Variants in WWOX observed in about 807,000 individuals in gnomAD.
WWOX encodes WW domain containing oxidoreductase.
Under a neutral mutation model 46.2 loss-of-function variants are expected in WWOX, and 69 were observed. That is an observed-to-expected ratio of 1.49 (90% CI 1.23 to 1.82). The LOEUF (loss-of-function observed/expected upper bound fraction) is 1.82, where lower values mean the gene tolerates loss of function less well. Ranked by LOEUF, WWOX falls within the 40% of genes most tolerant of loss-of-function variation. The pLI is 0.00. For missense variants in WWOX, 919 were observed against 542.6 expected (o/e 1.69, Z -6.89); for synonymous variants, 359 against 202.6 (o/e 1.77, Z -6.56).
chr16:78,501,206 TGAAAAA>T (rs2085059016), intron 8 of WWOX, among the ~76,000 whole-genome samples: 9 of 146,416 alleles, frequency 6.1e-5, no homozygotes, highest in East Asian at 2.0e-4. Flanking sequence ...TTTTTTTTTT[TGAAAAA>T]CTTTTTTGGA....
Position 78,292,617 on chromosome 16 carries a change from C to CT in WWOX, c.517-94233dup, listed in dbSNP as rs77749292. On this transcript the variant is annotated intron_variant, in intron 5 of 8. Coordinates refer to ENST00000566780, the MANE Select transcript of WWOX (RefSeq NM_016373.4). ...TTAGTTGAAAGATTATGTTCTATATCTTTTTTTTTTAAAAAAAAGGAAGAA... is the reference window on the plus strand; with the variant it reads ...TTAGTTGAAAGATTATGTTCTATATCTTTTTTTTTTTAAAAAAAAGGAAGAA... Among the ~76,000 whole-genome samples the CT allele has an allele frequency of 1.8e-3, 277 of 150,074 alleles. 3 individuals are homozygous for CT. The East Asian group carries it at 0.026, about 14-fold the overall frequency.
At chr16:78,750,074 A>T (rs1029875460) in intron 8 of WWOX, among the ~76,000 whole-genome samples, 2 of 152,232 alleles carry the variant, frequency 1.3e-5, no homozygotes, top group Non-Finnish European at 2.9e-5. Context: ...CAGCATATGG[A>T]AGGCATTGCT....
intron 8 of WWOX, among the ~76,000 whole-genome samples, chr16:79,136,676 A>T (rs933828469): frequency 6.6e-5 from 10 of 152,250 alleles, no homozygotes; most frequent in Non-Finnish European, 1.0e-4. Context: ...CCAGTTCCTC[A>T]CCGGGTCCTT....
intron 5 of WWOX, among the ~76,000 whole-genome samples, chr16:78,297,053 A>G (rs1400482792): frequency 6.6e-6 from 1 of 152,174 alleles, no homozygotes; most frequent in African/African-American, 2.4e-5. Context: ...CAATAAAAAT[A>G]TGTCCTGGGT....
At chr16:78,536,389 G>C (rs142568324) in intron 8 of WWOX, among the ~76,000 whole-genome samples, 123 of 152,020 alleles carry the variant, frequency 8.1e-4, no homozygotes, top group African/African-American at 2.7e-3. Context: ...GGGCATCCAA[G>C]ATAATGTAAT....
rs79202169 is a variant in WWOX at position 78,293,452 on chromosome 16, C to T, written c.517-93408C>T. 2.1e-3 allele frequency among the ~76,000 whole-genome samples: 317 copies of T among 152,270 alleles called. 2 individuals are homozygous for T. In the East Asian group the frequency reaches 0.026, roughly 12 times the overall value. Reference sequence around the variant, plus strand: ...GCATCATTTCGCTGGGTTACACATCCTCTCTTCTCTCCTGTATGTCGTCCC... The same window carrying T: ...GCATCATTTCGCTGGGTTACACATCTTCTCTTCTCTCCTGTATGTCGTCCC... On this transcript the variant is annotated intron_variant, in intron 5 of 8. Coordinates refer to ENST00000566780, the MANE Select transcript of WWOX (RefSeq NM_016373.4).
intron 8 of WWOX, among the ~76,000 whole-genome samples, chr16:78,973,218 C>G (rs374173738): frequency 6.6e-6 from 1 of 152,174 alleles, no homozygotes; most frequent in East Asian, 1.9e-4. Flanking sequence ...TACAAAACCA[C>G]AGACCGGAGC....
intron 8 of WWOX, among the ~76,000 whole-genome samples, chr16:78,880,213 T>C (rs1170620861): frequency 6.6e-6 from 1 of 152,218 alleles, no homozygotes; most frequent in African/African-American, 2.4e-5. Flanking sequence ...CTTTGCTGTA[T>C]TTGCAGTTTT....
At chr16:79,171,680 AT>A (rs1345250842) in intron 8 of WWOX, among the ~76,000 whole-genome samples, 1 of 152,102 alleles carries the variant, frequency 6.6e-6, no homozygotes, top group Non-Finnish European at 1.5e-5. Flanking sequence ...TTTTAATGCC[AT>A]TTTGCTTTTT....
chr16:78,722,019 A>G (rs1048755759), intron 8 of WWOX, among the ~76,000 whole-genome samples: 3 of 152,132 alleles, frequency 2.0e-5, no homozygotes, highest in Admixed American at 2.0e-4. Flanking sequence ...TTTTTTCTAG[A>G]AGGTGGTATT....
intron 8 of WWOX, among the ~76,000 whole-genome samples, chr16:78,920,281 C>G (rs1283528588): frequency 6.6e-6 from 1 of 152,208 alleles, no homozygotes; most frequent in East Asian, 1.9e-4. Flanking sequence ...AACACAGTGA[C>G]CTGGTCACTC....
intron 4 of WWOX, 138 bp downstream of exon 4, chr16:78,115,292 A>G: frequency 4.8e-6 from 5 of 1,035,154 alleles, no homozygotes; most frequent in Non-Finnish European, 7.3e-6. Context: ...TTTCATTAAC[A>G]TCACTACCTC....
chr16:78,690,530 C>T (rs1045591400), intron 8 of WWOX, among the ~76,000 whole-genome samples: 2 of 151,756 alleles, frequency 1.3e-5, no homozygotes, highest in African/African-American at 2.4e-5. Context: ...GCAGCCTGGG[C>T]GACAGAATGA....
intron 8 of WWOX, among the ~76,000 whole-genome samples, chr16:78,923,035 G>T (rs1383596364): frequency 6.7e-6 from 1 of 148,378 alleles, no homozygotes; most frequent in Non-Finnish European, 1.5e-5. Flanking sequence ...AGGCTGGAGT[G>T]CAATGGCGCA....
Position 78,937,667 on chromosome 16 carries a change from C to T in WWOX, c.1057-273941C>T, listed in dbSNP as rs186373350. 2.1e-4 allele frequency among the ~76,000 whole-genome samples: 32 copies of T among 151,584 alleles called. No individual in the cohort carries two copies. In the East Asian group the frequency reaches 4.9e-3, roughly 23 times the overall value. On this transcript the variant is annotated intron_variant, in intron 8 of 8. Transcript: ENST00000566780. ...TGAGACAAGGTCTCACTCTGTCTCCCAGGCTGGAGTGTAGTGGCATGACCT... is the reference window on the plus strand; with the variant it reads ...TGAGACAAGGTCTCACTCTGTCTCCTAGGCTGGAGTGTAGTGGCATGACCT...
At chr16:78,833,946 G>C (rs1255574156) in intron 8 of WWOX, among the ~76,000 whole-genome samples, 1 of 152,230 alleles carries the variant, frequency 6.6e-6, no homozygotes, top group Non-Finnish European at 1.5e-5. Context: ...GTCTTATTCT[G>C]TGTTGCATCC....
chr16:78,565,246 G>C (rs1300770721), intron 8 of WWOX, among the ~76,000 whole-genome samples: 1 of 152,164 alleles, frequency 6.6e-6, no homozygotes. Flanking sequence ...AAAACGTACT[G>C]GCTTTAAACA....
intron 8 of WWOX, among the ~76,000 whole-genome samples, chr16:78,974,940 G>T (rs1185840537): frequency 1.3e-5 from 2 of 152,280 alleles, no homozygotes; most frequent in Non-Finnish European, 2.9e-5. Context: ...ATTTAATGAG[G>T]CCTCTCCGGA....
rs1335777761 is a variant in WWOX, at chr16:78,192,440, C to T, written c.516+28151C>T. Reference sequence around the variant, plus strand: ...CCAGTAGGCGGAGGTTGCAGTGAGCCGAGATCGCACCACTGCACTCCAGCC... The same window carrying T: ...CCAGTAGGCGGAGGTTGCAGTGAGCTGAGATCGCACCACTGCACTCCAGCC... On this transcript the variant is annotated intron_variant, in intron 5 of 8. Coordinates refer to ENST00000566780, the MANE Select transcript of WWOX (RefSeq NM_016373.4). Among the ~76,000 whole-genome samples, 10 of 137,500 alleles carry T rather than the reference C, an allele frequency of 7.3e-5. No individual in the cohort carries two copies. The East Asian group carries it at 8.7e-4, about 12-fold the overall frequency. The allele number at this position is 137,500 out of a possible 152,430, so 90.2% of individuals were successfully genotyped here. A position where few individuals can be genotyped will look rare whatever the true frequency, so the allele number is the denominator to read the frequency against.
Sources: allele counts gnomAD v4.1 joint callset (sites outside exome capture counted in the v4.1 genomes callset), GRCh38; gene constraint gnomAD v4.1.1; transcripts MANE v1.5; gene names NCBI Gene and HGNC (gene_info 2026-07-23, HGNC 2026-07-21).